Variants in RP1 observed in about 807,000 individuals in gnomAD.
The protein encoded by RP1 is RP1 axonemal microtubule associated, also known as oxygen-regulated protein 1.
RP1 carries 16 observed loss-of-function variants against 14.8 expected under a neutral mutation model. The ratio of observed to expected loss-of-function variants is 1.08; its 90% CI spans 0.73 to 1.65. RP1 has a LOEUF of 1.65. RP1 is among the 40% of genes most tolerant of loss of function. The pLI is 0.00. For missense variants in RP1, 2,631 were observed against 2,535.0 expected (o/e 1.04, Z -0.81); for synonymous variants, 876 against 883.6 (o/e 0.99, Z 0.15).
chr8:54,611,887 CCCTTCCTTCCTT>C (rs370167305), upstream of RP1, among the ~76,000 whole-genome samples: 6 of 132,262 alleles, frequency 4.5e-5, no homozygotes, highest in East Asian at 2.6e-4. Flanking sequence ...CTCCCTCTCT[CCCTTCCTTCCTT>C]CCTTCCTTCC....
chr8:54,608,990 G>A (rs548385245), intron 1 of RP1, among the ~76,000 whole-genome samples: 1 of 152,162 alleles, frequency 6.6e-6, no homozygotes. Context: ...GCATGCTAAG[G>A]CATGAGGAAA....
At chr8:54,693,570 C>T (rs573981107) in intron 12 of RP1, among the ~76,000 whole-genome samples, 4 of 152,228 alleles carry the variant, frequency 2.6e-5, no homozygotes, top group African/African-American at 9.6e-5. Flanking sequence ...ATTTTATTCT[C>T]TTTGAAGCAA....
At chr8:54,621,635 T>C (rs1038489040) in intron 2 of RP1, 54 bp downstream of exon 2, 17 of 1,611,898 alleles carry the variant, frequency 1.1e-5, no homozygotes, top group African/African-American at 8.0e-5. Context: ...ACCCTACTAA[T>C]TGGATTCGTG....
chr8:54,744,157 G>A (rs1585654568), intron 19 of RP1, among the ~76,000 whole-genome samples: 1 of 152,300 alleles, frequency 6.6e-6, no homozygotes, highest in South Asian at 2.1e-4. Context: ...AGGGGTTTGA[G>A]GCATTTGGGG....
chr8:54,780,367 A>G (rs1225091339), intron 23 of RP1, among the ~76,000 whole-genome samples: 2 of 152,238 alleles, frequency 1.3e-5, no homozygotes, highest in African/African-American at 4.8e-5. Context: ...TAAGACATAT[A>G]AACTGTGTGG....
chr8:54,696,870 C>A, intron 12 of RP1: 1 of 768,382 alleles, frequency 1.3e-6, no homozygotes, highest in Non-Finnish European at 2.3e-6. Context: ...TGTGGACAAG[C>A]CAAGGTCAAG....
In RP1 at chr8:54,629,051, A is replaced by G. The variant is rs763291816; in HGVS notation, c.5169A>G (p.Thr1723=). The G allele has an allele frequency of 9.3e-6, 15 of 1,614,144 alleles. 1 individual carries two copies. In the South Asian group the frequency reaches 1.5e-4, roughly 17 times the overall value. Residue 1723 remains threonine (T), a synonymous_variant, in exon 4 of 4, where the codon ACA becomes ACG. Coordinates refer to ENST00000220676, the MANE Select transcript of RP1 (RefSeq NM_006269.2). ...YCRGDIVEPG[T]KQNDDSRILT... is the part of the protein sequence containing the mutation. ...GGGGTGACATTGTAGAACCTGGTAC[A>G]AAACAAAATGATGATAGCAGAATCC... is the stretch of plus-strand genomic sequence containing the variant.
At chr8:54,622,044 C>A in intron 2 of RP1, 73 bp from the exon 3 acceptor site, 1 of 1,495,856 alleles carries the variant, frequency 6.7e-7, no homozygotes, top group Non-Finnish European at 9.3e-7. Flanking sequence ...TGATTTGATT[C>A]AAGCAAAGTT....
chr8:54,621,625 A>G (rs1314929753), intron 2 of RP1, 44 bp downstream of exon 2: 5 of 1,612,898 alleles, frequency 3.1e-6, no homozygotes, highest in Non-Finnish European at 4.2e-6. Flanking sequence ...CATTTTGAGC[A>G]CCCTACTAAT....
chr8:54,705,530 C>T (rs1031688960), intron 14 of RP1, among the ~76,000 whole-genome samples: 2 of 152,144 alleles, frequency 1.3e-5, no homozygotes, highest in Non-Finnish European at 2.9e-5. Context: ...TTAACACTTT[C>T]TGACTCAAAG....
chr8:54,568,722 G>A (rs910908189), intron 1 of RP1, among the ~76,000 whole-genome samples: 6 of 152,200 alleles, frequency 3.9e-5, no homozygotes, highest in African/African-American at 1.4e-4. Flanking sequence ...CACATTGTAA[G>A]GTGAAAATGA....
chr8:54,664,883 G>T, intron 7 of RP1, among the ~76,000 whole-genome samples: 1 of 151,992 alleles, frequency 6.6e-6, no homozygotes, highest in Admixed American at 6.6e-5. Context: ...AAACTGTTGG[G>T]TACTATGCTT....
intron 12 of RP1, among the ~76,000 whole-genome samples, chr8:54,692,005 C>T (rs1248921159): frequency 1.3e-5 from 2 of 151,910 alleles, no homozygotes; most frequent in African/African-American, 4.8e-5. Context: ...TGTGATGTTC[C>T]CCTTCCTGTG....
chr8:54,800,200 C>T (rs762815948), intron 24 of RP1, among the ~76,000 whole-genome samples: 28 of 152,002 alleles, frequency 1.8e-4, no homozygotes, highest in Non-Finnish European at 3.4e-4. Flanking sequence ...AAAAAGAGTG[C>T]TGATGTAGTT....
At chr8:54,801,373 C>G (rs564637315) in intron 24 of RP1, among the ~76,000 whole-genome samples, 1 of 152,166 alleles carries the variant, frequency 6.6e-6, no homozygotes, top group African/African-American at 2.4e-5. Flanking sequence ...CAAGTATTCC[C>G]GCTTCTCCTC....
intron 25 of RP1, among the ~76,000 whole-genome samples, chr8:54,848,526 G>C (rs1259994943): frequency 1.3e-5 from 2 of 152,112 alleles, no homozygotes; most frequent in African/African-American, 4.8e-5. Flanking sequence ...CACACTGCTG[G>C]ACAGAGACTC....
At chr8:54,666,026 C>G (rs370427572) in intron 7 of RP1, among the ~76,000 whole-genome samples, 7 of 152,032 alleles carry the variant, frequency 4.6e-5, no homozygotes, top group African/African-American at 1.7e-4. Flanking sequence ...CTTGAGAATG[C>G]CTATCCCCAT....
chr8:54,760,119 T>A (rs1258426490), intron 22 of RP1, among the ~76,000 whole-genome samples: 1 of 152,224 alleles, frequency 6.6e-6, no homozygotes, highest in Non-Finnish European at 1.5e-5. Flanking sequence ...CCAAGATGAT[T>A]GGAGCTGACT....
At chr8:54,657,495 AG>A (rs1806780889) in intron 6 of RP1, among the ~76,000 whole-genome samples, 1 of 152,174 alleles carries the variant, frequency 6.6e-6, no homozygotes, top group Admixed American at 6.5e-5. Flanking sequence ...TTAGTTATCT[AG>A]GTCAGTGGTA....
Sources: allele counts gnomAD v4.1 joint callset (sites outside exome capture counted in the v4.1 genomes callset), GRCh38; gene constraint gnomAD v4.1.1; transcripts MANE v1.5; gene names NCBI Gene and HGNC (gene_info 2026-07-23, HGNC 2026-07-21).